Variants in NXPH1 observed in about 807,000 individuals in gnomAD.
The protein encoded by NXPH1 is neurexophilin-1.
In NXPH1, 5 loss-of-function variants were observed where a neutral mutation model predicts 23.7. The observed-to-expected ratio is 0.21, with a 90% CI of 0.11 to 0.44. The LOEUF is 0.44. NXPH1 is among the 20% of genes least tolerant of loss of function. The pLI is 0.99. For missense variants in NXPH1, 324 were observed against 321.6 expected (o/e 1.01, Z -0.06); for synonymous variants, 144 against 122.2 (o/e 1.18, Z -1.18).
chr7:8,451,035 T>C (rs1206024700), intron 2 of NXPH1, among the ~76,000 whole-genome samples: 1 of 152,162 alleles, frequency 6.6e-6, no homozygotes, highest in African/African-American at 2.4e-5. Flanking sequence ...ATATATTTCC[T>C]TAGTTATAAA....
chr7:8,608,786 A>C (rs978607878), intron 2 of NXPH1, among the ~76,000 whole-genome samples: 1 of 152,190 alleles, frequency 6.6e-6, no homozygotes, highest in Non-Finnish European at 1.5e-5. Context: ...TATGAATGAC[A>C]AATGATTATA....
intron 2 of NXPH1, among the ~76,000 whole-genome samples, chr7:8,451,101 G>A (rs1198676526): frequency 1.5e-5 from 2 of 137,236 alleles, no homozygotes; most frequent in Non-Finnish European, 3.0e-5. Flanking sequence ...AAGATTTTGA[G>A]GGATCTAGCT....
At chr7:8,529,804 A>T (rs1411794845) in intron 2 of NXPH1, among the ~76,000 whole-genome samples, 5 of 151,850 alleles carry the variant, frequency 3.3e-5, no homozygotes. Flanking sequence ...TTCCTGAATT[A>T]AAAAAAATGG....
At chr7:8,618,450 G>A (rs1414270969) in intron 2 of NXPH1, among the ~76,000 whole-genome samples, 2 of 152,094 alleles carry the variant, frequency 1.3e-5, no homozygotes, top group African/African-American at 4.8e-5. Flanking sequence ...TGAGCGTAAA[G>A]GTAATTAAAT....
chr7:8,447,930 A>C (rs1464889147), intron 2 of NXPH1, among the ~76,000 whole-genome samples: 1 of 152,186 alleles, frequency 6.6e-6, no homozygotes, highest in East Asian at 1.9e-4. Flanking sequence ...GGATAATATC[A>C]TGGCACCCAA....
intron 2 of NXPH1, among the ~76,000 whole-genome samples, chr7:8,547,405 A>G (rs945562072): frequency 6.6e-6 from 1 of 151,460 alleles, no homozygotes; most frequent in Non-Finnish European, 1.5e-5. Flanking sequence ...TTTTGCCTGT[A>G]CACCTTGCTC....
chr7:8,588,272 C>T (rs1184604017), intron 2 of NXPH1, among the ~76,000 whole-genome samples: 1 of 152,134 alleles, frequency 6.6e-6, no homozygotes, highest in Non-Finnish European at 1.5e-5. Context: ...GGTTACAAAT[C>T]ATTCTACTGT....
intron 2 of NXPH1, among the ~76,000 whole-genome samples, chr7:8,561,351 G>GACACACACACACACACACAC (rs61219039): frequency 8.4e-4 from 118 of 140,952 alleles, no homozygotes; most frequent in South Asian, 1.7e-3. Context: ...AAGCCTATGT[G>GACACACACACACACACACAC]ACACACACAC....
chr7:8,735,581 T>C (rs1323704085), intron 2 of NXPH1, among the ~76,000 whole-genome samples: 3 of 152,206 alleles, frequency 2.0e-5, no homozygotes, highest in Non-Finnish European at 2.9e-5. Context: ...TCATCAGGGA[T>C]ATTGGCCTGA....
intron 2 of NXPH1, among the ~76,000 whole-genome samples, chr7:8,642,609 T>C (rs146761910): frequency 1.6e-3 from 241 of 151,558 alleles, no homozygotes; most frequent in African/African-American, 5.4e-3. Context: ...ATTTTGTTAT[T>C]CTAACATTCT....
chr7:8,505,349 C>G (rs374970936), intron 2 of NXPH1, among the ~76,000 whole-genome samples: 1 of 151,992 alleles, frequency 6.6e-6, no homozygotes, highest in African/African-American at 2.4e-5. Flanking sequence ...TTGTCTTAAC[C>G]TCCTCTCCAG....
At position 8,435,707 on chromosome 7, in the gene NXPH1, C is replaced by A; in HGVS notation, c.-7C>A. ...GGCACCGCCAAGGAAGTTTGAGACG[C>A]GGGAGAATGCAGGCTGCGTGCTGGT... On this transcript the variant is annotated 5_prime_UTR_variant, in exon 2 of 3. Coordinates refer to ENST00000405863, the MANE Select transcript of NXPH1 (RefSeq NM_152745.3). This position sits in a 1 kb window ranked among gnomAD's most constrained non-coding sequence, Gnocchi z 5.9. 1 of 1,613,834 alleles carries A rather than the reference C, an allele frequency of 6.2e-7. No homozygotes were observed.
intron 2 of NXPH1, among the ~76,000 whole-genome samples, chr7:8,499,706 A>C (rs767808057): frequency 4.0e-4 from 61 of 152,168 alleles, no homozygotes; most frequent in Non-Finnish European, 7.1e-4. Flanking sequence ...CTAGACTCCC[A>C]GTGGTGAGGC....
chr7:8,734,050 A>G (rs185672273), intron 2 of NXPH1, among the ~76,000 whole-genome samples: 1 of 152,268 alleles, frequency 6.6e-6, no homozygotes, highest in East Asian at 1.9e-4. Flanking sequence ...TAATTTTTGT[A>G]TAAGGTGTAA....
intron 2 of NXPH1, among the ~76,000 whole-genome samples, chr7:8,448,818 G>GAAAA (rs34098217): frequency 1.9e-5 from 2 of 106,086 alleles, no homozygotes; most frequent in African/African-American, 3.6e-5. Context: ...TCGTCTCGGG[G>GAAAA]AAAAAAAAAA....
At chr7:8,451,137 G>C (rs1442136249) in intron 2 of NXPH1, among the ~76,000 whole-genome samples, 1 of 140,694 alleles carries the variant, frequency 7.1e-6, no homozygotes, top group Non-Finnish European at 1.5e-5. Flanking sequence ...ACTATCATCT[G>C]TGTTCCTTTT....
At chr7:8,492,818 A>G (rs1817271763) in intron 2 of NXPH1, among the ~76,000 whole-genome samples, 1 of 152,008 alleles carries the variant, frequency 6.6e-6, no homozygotes, top group Admixed American at 6.6e-5. Context: ...AGCCTTCTTA[A>G]TGCTCCAAAG....
At chr7:8,584,350 A>G (rs1043339580) in intron 2 of NXPH1, among the ~76,000 whole-genome samples, 1 of 152,222 alleles carries the variant, frequency 6.6e-6, no homozygotes, top group South Asian at 2.1e-4. Flanking sequence ...GTAGGAGCAC[A>G]GAATAGCTTA....
intron 2 of NXPH1, among the ~76,000 whole-genome samples, chr7:8,598,538 C>T (rs1176850178): frequency 6.6e-6 from 1 of 152,082 alleles, no homozygotes; most frequent in Non-Finnish European, 1.5e-5. Flanking sequence ...TTGGTTATTC[C>T]TAACTAAGGA....
Sources: gnomAD v4.1 joint callset for allele counts (sites outside exome capture counted in the v4.1 genomes callset) on GRCh38, gnomAD v4.1.1 for gene constraint, Gnocchi (gnomAD v3.1) non-coding constraint, MANE v1.5 for transcripts, NCBI Gene and HGNC (gene_info 2026-07-23, HGNC 2026-07-21) for gene names.